Variants in FARS2 observed in about 807,000 individuals in gnomAD.
FARS2 encodes phenylalanyl-tRNA synthetase 2, mitochondrial.
FARS2 carries 40 observed loss-of-function variants against 46.4 expected under a neutral mutation model. The ratio of observed to expected loss-of-function variants is 0.86; its 90% CI spans 0.67 to 1.12. FARS2 has a LOEUF of 1.12. Among genes scored for constraint, FARS2 ranks in the 50% most tolerant of loss-of-function variants. The probability of loss-of-function intolerance (pLI) is 0.00; values close to 1 mark genes in which losing one functional copy is unlikely to be tolerated. For missense variants in FARS2, 513 were observed against 567.9 expected (o/e 0.90, Z 0.98); for synonymous variants, 234 against 214.9 (o/e 1.09, Z -0.78).
chr6:5,394,453 A>G (rs542123063), intron 2 of FARS2, among the ~76,000 whole-genome samples: 3 of 152,284 alleles, frequency 2.0e-5, no homozygotes, highest in African/African-American at 7.2e-5. Context: ...GGTTTGCGTG[A>G]CTACACTCCA....
intron 6 of FARS2, among the ~76,000 whole-genome samples, chr6:5,726,954 T>C (rs1302984395): frequency 6.6e-6 from 1 of 152,254 alleles, no homozygotes; most frequent in Non-Finnish European, 1.5e-5. Flanking sequence ...ATCCCATTGA[T>C]GGTCTTGGTT....
At chr6:5,526,020 A>C (rs1267024480) in intron 4 of FARS2, among the ~76,000 whole-genome samples, 1 of 152,246 alleles carries the variant, frequency 6.6e-6, no homozygotes, top group African/African-American at 2.4e-5. Context: ...CAGCAGTGAA[A>C]CTACTCAATT....
the FARS2 span, among the ~76,000 whole-genome samples, chr6:5,253,705 T>C: frequency 1.3e-5 from 2 of 152,014 alleles, no homozygotes; most frequent in Admixed American, 6.6e-5. Context: ...AGAGCAATCA[T>C]GGAAACTGAT....
intron 6 of FARS2, among the ~76,000 whole-genome samples, chr6:5,648,188 T>C (rs1012608906): frequency 6.6e-6 from 1 of 152,302 alleles, no homozygotes; most frequent in African/African-American, 2.4e-5. Context: ...CTACTCCAAA[T>C]GGGAGTACAT....
chr6:5,380,671 T>C (rs1326661442), intron 2 of FARS2, among the ~76,000 whole-genome samples: 1 of 152,156 alleles, frequency 6.6e-6, no homozygotes, highest in Admixed American at 6.5e-5. Flanking sequence ...TACTCACAAA[T>C]GTAAAAGACT....
In FARS2 at chr6:5,286,591, T is replaced by C. The variant is rs373686523; in HGVS notation, c.-22+24931T>C. 5.9e-5 allele frequency among the ~76,000 whole-genome samples: 9 copies of C among 152,302 alleles called. No individual in the cohort carries two copies. In the South Asian group the frequency reaches 1.5e-3, roughly 25 times the overall value. The stretch of plus-strand genomic sequence containing the variant: ...ACTTCTATTCAGAATATAAAGTGTG[T>C]TTTACTACCCATGCTCTATCACTCT... On this transcript the variant is annotated intron_variant, in intron 1 of 6. Coordinates refer to ENST00000274680, the MANE Select transcript of FARS2 (RefSeq NM_006567.5).
intron 6 of FARS2, among the ~76,000 whole-genome samples, chr6:5,743,969 A>G (rs1023339399): frequency 2.6e-5 from 4 of 152,144 alleles, no homozygotes; most frequent in Admixed American, 2.6e-4. Flanking sequence ...TACCTCTTAT[A>G]TAGGAGCTCG....
chr6:5,296,481 G>A (rs1309117992), intron 1 of FARS2, among the ~76,000 whole-genome samples: 2 of 152,208 alleles, frequency 1.3e-5, no homozygotes, highest in Middle Eastern at 3.4e-3. Flanking sequence ...CTAGCATTAA[G>A]TACATTTATG....
At chr6:5,514,351 G>A (rs1389864424) in intron 4 of FARS2, among the ~76,000 whole-genome samples, 2 of 152,178 alleles carry the variant, frequency 1.3e-5, no homozygotes, top group African/African-American at 4.8e-5. Flanking sequence ...TCAGAAATGT[G>A]GGTAGCCTTG....
intron 4 of FARS2, among the ~76,000 whole-genome samples, chr6:5,523,432 T>TC (rs1769267372): frequency 6.6e-6 from 1 of 151,574 alleles, no homozygotes; most frequent in African/African-American, 2.4e-5. Context: ...TTTTTTTTTT[T>TC]CTCATGGGAG....
At chr6:5,465,358 A>G (rs1170949749) in intron 4 of FARS2, among the ~76,000 whole-genome samples, 1 of 152,218 alleles carries the variant, frequency 6.6e-6, no homozygotes, top group African/African-American at 2.4e-5. Flanking sequence ...GGTGATGTGC[A>G]TACTTTTTAT....
At chr6:5,294,269 A>G (rs1767701760) in intron 1 of FARS2, among the ~76,000 whole-genome samples, 1 of 152,158 alleles carries the variant, frequency 6.6e-6, no homozygotes, top group Admixed American at 6.5e-5. Flanking sequence ...GAAGGAAGGA[A>G]GCCAGGACCA....
At chr6:5,685,553 C>T (rs1401530980) in intron 6 of FARS2, among the ~76,000 whole-genome samples, 2 of 152,242 alleles carry the variant, frequency 1.3e-5, no homozygotes, top group Non-Finnish European at 2.9e-5. Context: ...ACCTGGCCTA[C>T]TCTGCTGCAC....
At chr6:5,686,424 T>A (rs1757224696) in intron 6 of FARS2, among the ~76,000 whole-genome samples, 1 of 151,870 alleles carries the variant, frequency 6.6e-6, no homozygotes, top group Admixed American at 6.6e-5. Flanking sequence ...CATTGTTCAA[T>A]TCCCACCTAT....
intron 2 of FARS2, among the ~76,000 whole-genome samples, chr6:5,401,446 C>G (rs1761247711): frequency 6.6e-6 from 1 of 152,152 alleles, no homozygotes; most frequent in African/African-American, 2.4e-5. Context: ...TTGCTGCTTT[C>G]TTCCATTGTT....
chr6:5,356,206 T>G (rs1488776247), intron 1 of FARS2, among the ~76,000 whole-genome samples: 1 of 152,232 alleles, frequency 6.6e-6, no homozygotes. Flanking sequence ...TGTAGCACTT[T>G]GGGAGGCCGA....
At chr6:5,327,078 C>T (rs888681890) in intron 1 of FARS2, among the ~76,000 whole-genome samples, 1 of 152,116 alleles carries the variant, frequency 6.6e-6, no homozygotes, top group Non-Finnish European at 1.5e-5. Context: ...GGCGTGATTC[C>T]TTATGCTGGA....
At chr6:5,396,718 C>T (rs866926421) in intron 2 of FARS2, among the ~76,000 whole-genome samples, 3 of 152,164 alleles carry the variant, frequency 2.0e-5, no homozygotes, top group African/African-American at 4.8e-5. Flanking sequence ...TGACATGAAG[C>T]GTGTGGAGGT....
At chr6:5,329,803 C>T (rs1770669220) in intron 1 of FARS2, among the ~76,000 whole-genome samples, 1 of 152,306 alleles carries the variant, frequency 6.6e-6, no homozygotes, top group South Asian at 2.1e-4. Context: ...ATGCTGTCTC[C>T]TGGCACACTG....
Sources: gnomAD v4.1 joint callset for allele counts (sites outside exome capture counted in the v4.1 genomes callset) on GRCh38, gnomAD v4.1.1 for gene constraint, MANE v1.5 for transcripts, NCBI Gene and HGNC (gene_info 2026-07-23, HGNC 2026-07-21) for gene names.